Variants in MICU1 observed in about 807,000 individuals in gnomAD.
MICU1 encodes calcium uptake protein 1, mitochondrial.
MICU1 carries 45 observed loss-of-function variants against 56.8 expected under a neutral mutation model. That is an observed-to-expected ratio of 0.79 (90% CI 0.62 to 1.02). The LOEUF is 1.02. MICU1 is among the 50% of genes least tolerant of loss of function. The pLI is 0.00. For synonymous variants in MICU1, 186 were observed against 195.1 expected, an observed-to-expected ratio of 0.95 and a Z score of 0.39; for missense variants, 504 against 587.1, an observed-to-expected ratio of 0.86 and a Z score of 1.46.
At chr10:72,495,642 T>G (rs1395441566) in intron 6 of MICU1, among the ~76,000 whole-genome samples, 16 of 118,860 alleles carry the variant, frequency 1.3e-4, no homozygotes, top group Non-Finnish European at 2.3e-4. Context: ...GCAACAAGAG[T>G]GAACCTCTGT....
intron 8 of MICU1, among the ~76,000 whole-genome samples, chr10:72,470,566 T>A (rs1306522542): frequency 6.6e-6 from 1 of 152,156 alleles, no homozygotes; most frequent in Non-Finnish European, 1.5e-5. Flanking sequence ...AGGAGCCCAC[T>A]ACCACAGCAA....
intron 4 of MICU1, among the ~76,000 whole-genome samples, chr10:72,546,628 A>C (rs2132434451): frequency 6.6e-6 from 1 of 152,320 alleles, no homozygotes; most frequent in Middle Eastern, 3.4e-3. Flanking sequence ...TTTTCTCTTA[A>C]CGCAAACAAG....
chr10:72,493,213 CCACACACACATA>C (rs1866725014), intron 6 of MICU1, among the ~76,000 whole-genome samples: 1 of 150,822 alleles, frequency 6.6e-6, no homozygotes, highest in African/African-American at 2.5e-5. Context: ...ACACACACAC[CCACACACACATA>C]CACACACAAT....
intron 10 of MICU1, among the ~76,000 whole-genome samples, chr10:72,403,151 G>A (rs530903281): frequency 2.6e-5 from 4 of 152,232 alleles, no homozygotes; most frequent in Non-Finnish European, 4.4e-5. Context: ...GCCGAGGTGG[G>A]TGGATCATGA....
At chr10:72,563,397 A>C (rs985920608) in intron 2 of MICU1, among the ~76,000 whole-genome samples, 36 of 152,340 alleles carry the variant, frequency 2.4e-4, no homozygotes, top group Admixed American at 2.1e-3. Flanking sequence ...TCAGCTTTAA[A>C]AGGAAAGGAA....
intron 8 of MICU1, among the ~76,000 whole-genome samples, chr10:72,435,160 T>TGG (rs1267195018): frequency 6.6e-6 from 1 of 151,648 alleles, no homozygotes; most frequent in Non-Finnish European, 1.5e-5. Flanking sequence ...GGAGGGAAGG[T>TGG]GGGAGTACTG....
intron 10 of MICU1, among the ~76,000 whole-genome samples, chr10:72,381,145 T>C (rs543311179): frequency 1.3e-5 from 2 of 152,334 alleles, no homozygotes; most frequent in South Asian, 2.1e-4. Context: ...AGTTAGGAGC[T>C]ACCTGCCTCT....
In MICU1 at chr10:72,508,216, G is replaced by A; in HGVS notation, c.591C>T (p.Thr197=). ...KFADEGSIFY[T]LGECGLISFS... is the part of the protein sequence containing the mutation. Reference sequence around the variant, plus strand: ...AGGATATGAGCCCACATTCTCCAAGGGTGTAAAATATACTGCCTTCATCAG... The same window carrying A: ...AGGATATGAGCCCACATTCTCCAAGAGTGTAAAATATACTGCCTTCATCAG... The change falls in exon 6 of 12, where the codon ACC becomes ACT. Residue 197 remains threonine, a synonymous_variant. Transcript: ENST00000361114. The A allele has an allele frequency of 6.5e-7, 1 of 1,546,288 alleles. No individual in the cohort carries two copies. Among genetic ancestry groups the A allele is most frequent in the South Asian group, 1.3e-5 (1 of 79,460 alleles).
intron 5 of MICU1, among the ~76,000 whole-genome samples, chr10:72,517,199 T>C (rs1815337656): frequency 6.6e-6 from 1 of 152,208 alleles, no homozygotes; most frequent in African/African-American, 2.4e-5. Context: ...TCTGTGCCTA[T>C]GGCTGCTTCT....
At chr10:72,439,930 T>C (rs1051757054) in intron 8 of MICU1, among the ~76,000 whole-genome samples, 1 of 152,188 alleles carries the variant, frequency 6.6e-6, no homozygotes, top group Non-Finnish European at 1.5e-5. Flanking sequence ...CATTCCATGC[T>C]CATGGATAGG....
chr10:72,512,107 G>GTTTTTTTTTTTTTTT (rs869183579), intron 5 of MICU1, among the ~76,000 whole-genome samples: 2 of 29,524 alleles, frequency 6.8e-5, no homozygotes, highest in African/African-American at 1.9e-4. Context: ...GTTGTTTTTT[G>GTTTTTTTTTTTTTTT]TTTTTTTTTT....
intron 1 of MICU1, among the ~76,000 whole-genome samples, chr10:72,586,004 TTTTTTTTTC>T (rs1381261289): frequency 6.2e-4 from 75 of 121,472 alleles, no homozygotes; most frequent in South Asian, 1.3e-3. Context: ...ATTTTTTCTT[TTTTTTTTTC>T]TTTTTTTTTT....
chr10:72,415,729 A>C (rs937904276), intron 9 of MICU1, among the ~76,000 whole-genome samples: 8 of 152,150 alleles, frequency 5.3e-5, no homozygotes, highest in African/African-American at 1.7e-4. Context: ...CTTCCTAAGA[A>C]TCTTAGGCTG....
At chr10:72,500,305 T>TA (rs1867024127) in intron 6 of MICU1, among the ~76,000 whole-genome samples, 1 of 11,164 alleles carries the variant, frequency 9.0e-5, no homozygotes, top group African/African-American at 2.7e-4. Context: ...TATATATATT[T>TA]TTTTTTTTTT....
chr10:72,483,630 A>G lies in MICU1; in HGVS notation c.653-6374T>C, dbSNP rs553906980. On this transcript the variant is annotated intron_variant, in intron 6 of 11. Transcript: ENST00000361114. The stretch of plus-strand genomic sequence containing the variant: ...ATGGCGGCCATGAAAGGGCTGGCTC[A>G]GGAGCTTAGGAGGAGGATGGGCATG... 1.0e-3 allele frequency: 153 copies of G among 153,290 alleles called. 1 individual carries two copies. The highest frequency in any genetic ancestry group is 9.5e-4 in the Non-Finnish European group (65 of 68,582). 9.5% of individuals were successfully genotyped at this position (153,290 alleles called of 1,614,324 possible). A position where few individuals can be genotyped will look rare whatever the true frequency, so the allele number is the denominator to read the frequency against.
intron 9 of MICU1, among the ~76,000 whole-genome samples, chr10:72,408,875 T>C (rs1468407324): frequency 1.3e-5 from 2 of 152,222 alleles, no homozygotes; most frequent in Non-Finnish European, 2.9e-5. Context: ...ATTATCTCAA[T>C]TTAAAAGCTA....
intron 8 of MICU1, among the ~76,000 whole-genome samples, chr10:72,446,223 G>T (rs1283155108): frequency 1.3e-5 from 2 of 152,128 alleles, no homozygotes; most frequent in Non-Finnish European, 2.9e-5. Flanking sequence ...ATTCAGAAGA[G>T]TTGGATCCTG....
intron 1 of MICU1, among the ~76,000 whole-genome samples, chr10:72,615,239 T>A (rs1841948583): frequency 1.3e-5 from 2 of 152,148 alleles, no homozygotes; most frequent in South Asian, 4.1e-4. Context: ...TGCCTCAGCC[T>A]CCCCAGTAAT....
At chr10:72,493,728 T>C (rs899545444) in intron 6 of MICU1, among the ~76,000 whole-genome samples, 1 of 152,118 alleles carries the variant, frequency 6.6e-6, no homozygotes. Flanking sequence ...AGTGCTAGGA[T>C]TACAGGTGTG....
Sources: gnomAD v4.1 joint callset for allele counts (sites outside exome capture counted in the v4.1 genomes callset) on GRCh38, gnomAD v4.1.1 for gene constraint, MANE v1.5 for transcripts, NCBI Gene and HGNC (gene_info 2026-07-23, HGNC 2026-07-21) for gene names.